The following SLC6A9 variants were observed in gnomAD, a reference collection of about 807,000 sequenced individuals.
The protein encoded by SLC6A9 is solute carrier family 6 member 9.
Under a neutral mutation model 70.9 loss-of-function variants are expected in SLC6A9, and 31 were observed. The observed-to-expected ratio is 0.44, with a 90% confidence interval of 0.33 to 0.59. SLC6A9 has a LOEUF of 0.59. SLC6A9 is among the 20% of genes least tolerant of loss of function. SLC6A9 has a pLI of 0.04. For missense variants in SLC6A9, 631 were observed against 845.2 expected (o/e 0.75, Z 3.14); for synonymous variants, 310 against 341.3 (o/e 0.91, Z 1.01).
At chr1:43,998,208 G>A (rs1384212521) in intron 12 of SLC6A9, among the ~76,000 whole-genome samples, 183 bp from the exon 13 acceptor site, 4 of 152,126 alleles carry the variant, frequency 2.6e-5, no homozygotes, top group Admixed American at 6.5e-5. Flanking sequence ...GGGCCGGAGC[G>A]CGGTGAGTGG....
chr1:44,025,078 A>G (rs1199745227), intron 1 of SLC6A9, among the ~76,000 whole-genome samples: 1 of 152,122 alleles, frequency 6.6e-6, no homozygotes, highest in Non-Finnish European at 1.5e-5. Flanking sequence ...TATGACACTT[A>G]TTTGCTTATA....
intron 3 of SLC6A9, 180 bp downstream of exon 3, chr1:44,010,546 A>AGG: frequency 2.0e-6 from 1 of 497,352 alleles, no homozygotes; most frequent in Non-Finnish European, 3.6e-6. Context: ...ACAGACTGCC[A>AGG]GGGTCTGGGG....
Position 44,002,221 on chromosome 1 carries a change from A to G in SLC6A9, c.962+92T>C. 2.4e-6 allele frequency: 2 copies of G among 838,528 alleles called. No homozygotes were observed. The highest frequency in any genetic ancestry group is 2.1e-6 in the Non-Finnish European group (1 of 484,502). 51.9% of individuals were successfully genotyped at this position (838,528 alleles called of 1,614,324 possible). On this transcript the variant is annotated intron_variant, in intron 8 of 13. Transcript: ENST00000372310. The surrounding 1 kb of genome is among the most constrained non-coding windows in gnomAD (Gnocchi z 5.5). ...AACCTCAAGATCATGAGGGGAAAGG[A>G]GGCCTCGTGGGCCCATGGCTGCACT...
rs192444797 is a variant in SLC6A9 at position 44,023,557 on chromosome 1, G to A, written c.30+691C>T. ...TTTGGGAGGCTGAGGCATGAGAATC[G>A]CTTGAACCCGGCAGGGGCAGAGGTT... On this transcript the variant is annotated intron_variant, in intron 2 of 13. Coordinates refer to ENST00000372310, the MANE Select transcript of SLC6A9 (RefSeq NM_001024845.3). Among the ~76,000 whole-genome samples the A allele has an allele frequency of 3.8e-3, 579 of 152,244 alleles. 4 individuals are homozygous for A. The highest frequency in any genetic ancestry group is 0.013 in the African/African-American group (545 of 41,546).
chr1:44,005,262 C>T (rs2154305073), intron 5 of SLC6A9, among the ~76,000 whole-genome samples: 2 of 152,182 alleles, frequency 1.3e-5, no homozygotes, highest in East Asian at 3.9e-4. Context: ...GACCCAGTAG[C>T]AGGTATCAGA....
chr1:44,011,805 C>A, intron 2 of SLC6A9: 1 of 1,401,164 alleles, frequency 7.1e-7, no homozygotes, highest in South Asian at 1.3e-5. Context: ...CAGGACTGAG[C>A]TGGTGGCCTG....
Position 44,001,224 on chromosome 1 carries a change from G to A in SLC6A9, c.1275C>T (p.Thr425=), listed in dbSNP as rs754699207. The A allele has an allele frequency of 1.9e-6, 3 of 1,614,192 alleles. No individual in the cohort carries two copies. The highest frequency in any genetic ancestry group is 1.3e-5 in the African/African-American group (1 of 75,044). Residue 425 remains threonine, a synonymous_variant, in exon 10 of 14, where the codon ACC becomes ACT. Transcript: ENST00000372310. ...CCACAGCCACGCCCAAGGTCACATA[G>A]GTCTTTTTCTGCAGGATCCACTCAT... The part of the protein sequence containing the change: ...VGNEWILQKK[T]YVTLGVAVAG...
At chr1:44,020,774 C>T (rs574297035) in intron 2 of SLC6A9, among the ~76,000 whole-genome samples, 1 of 152,308 alleles carries the variant, frequency 6.6e-6, no homozygotes, top group East Asian at 1.9e-4. Context: ...ACAGGAGGTG[C>T]CCAAACCCTC....
rs771622040 is a variant in SLC6A9, at chr1:44,002,556, T to C, written c.814A>G (p.Met272Val). Residue 272 changes from methionine (M) to valine (V), a missense_variant, in exon 7 of 14, where the codon ATG becomes GTG. Physicochemically the swap from Met to Val is conservative, Grantham distance 21 (BLOSUM62 1). Coordinates refer to ENST00000372310, the MANE Select transcript of SLC6A9 (RefSeq NM_001024845.3). The surrounding 1 kb of genome is among the most constrained non-coding windows in gnomAD (Gnocchi z 5.5). ...VTLEGAFDGIMYYLTPQWDKI... is the reference protein window; with the variant it reads ...VTLEGAFDGIVYYLTPQWDKI... ...TCCCACTGCGGGGTTAGGTAGTACA[T>C]GATGCCGTCAAAGGCTCCCTCCAGG... is the stretch of plus-strand genomic sequence containing the variant. 2 of 1,613,940 alleles carry C rather than the reference T, an allele frequency of 1.2e-6. No individual in the cohort carries two copies. Among genetic ancestry groups the C allele is most frequent in the Admixed American group, 3.3e-5 (2 of 59,994 alleles).
chr1:44,024,942 C>T (rs555373755), intron 1 of SLC6A9, among the ~76,000 whole-genome samples: 15 of 152,244 alleles, frequency 9.9e-5, no homozygotes, highest in Non-Finnish European at 1.8e-4. Flanking sequence ...TACAAATCTT[C>T]GGCACTGCAC....
At position 44,002,765 on chromosome 1, in the gene SLC6A9, C is replaced by T; in HGVS notation, c.723+88G>A. 1.3e-6 allele frequency: 2 copies of T among 1,593,988 alleles called. No individual in the cohort carries two copies. Among genetic ancestry groups the T allele is most frequent in the Non-Finnish European group, 1.7e-6 (2 of 1,164,158 alleles). ...CTCTCCGGCTCCGGAGTCCCTTCAG[C>T]ATCCCCTCCCTGCAATACACACATA... On this transcript the variant is annotated intron_variant, in intron 6 of 13. Transcript: ENST00000372310. The surrounding 1 kb of genome is among the most constrained non-coding windows in gnomAD (Gnocchi z 5.5).
intron 2 of SLC6A9, chr1:44,017,370 C>T (rs200817490): frequency 5.7e-4 from 5 of 8,790 alleles, no homozygotes; most frequent in Non-Finnish European, 1.0e-3. Flanking sequence ...ACTGGAACAA[C>T]ACACACACAC....
Position 44,000,965 on chromosome 1 carries a change from A to G in SLC6A9, c.1426T>C (p.Tyr476His). ...AGGCTCGAGTGCTCACCGTAGATGT[A>G]CATGATGGCCACACACATGATGCAG... ...ISCIMCVAIM[Y>H]IYGHRNYFQD... Residue 476 changes from tyrosine to histidine, a missense_variant, in exon 11 of 14, where the codon TAC becomes CAC. By Grantham distance (83) the Tyr-to-His change is moderately conservative. Transcript: ENST00000372310. 6.2e-7 allele frequency: 1 copy of G among 1,600,058 alleles called. No individual in the cohort carries two copies. Among genetic ancestry groups the G allele is most frequent in the South Asian group, 1.1e-5 (1 of 89,078 alleles).
chr1:44,003,004 G>A lies in SLC6A9; in HGVS notation c.591-19C>T, dbSNP rs774183646. On this transcript the variant is annotated intron_variant, in intron 5 of 13. Coordinates refer to ENST00000372310, the MANE Select transcript of SLC6A9 (RefSeq NM_001024845.3). ...GTACAGCCTGGGAAGGGGAGACTCT[G>A]TCACTGAGGGCCAGCCGCCGCTGCC... 1.9e-6 allele frequency: 3 copies of A among 1,613,542 alleles called. No homozygotes were observed. The highest frequency in any genetic ancestry group is 2.5e-6 in the Non-Finnish European group (3 of 1,179,662).
intron 1 of SLC6A9, among the ~76,000 whole-genome samples, chr1:44,029,920 C>T (rs917551334): frequency 2.0e-5 from 3 of 152,244 alleles, no homozygotes; most frequent in Admixed American, 6.5e-5. Flanking sequence ...AGGTTTTTCT[C>T]TTTCCCCACT....
intron 2 of SLC6A9, among the ~76,000 whole-genome samples, chr1:44,023,979 G>A (rs1049913672): frequency 3.3e-5 from 5 of 152,260 alleles, no homozygotes; most frequent in Non-Finnish European, 7.3e-5. Context: ...CAGCATATGA[G>A]TGGCCTCCTT....
chr1:44,015,464 C>T (rs1395473037), intron 2 of SLC6A9, among the ~76,000 whole-genome samples: 2 of 152,252 alleles, frequency 1.3e-5, no homozygotes, highest in African/African-American at 2.4e-5. Context: ...AGGGTTTGCT[C>T]ATGGGATGAA....
intron 12 of SLC6A9, among the ~76,000 whole-genome samples, chr1:44,000,460 T>C (rs1017509177): frequency 6.6e-6 from 1 of 152,212 alleles, no homozygotes; most frequent in African/African-American, 2.4e-5. Context: ...AGGCAGAGGC[T>C]GACACGCTAT....
At chr1:44,025,491 CAAA>C (rs924105808) in intron 1 of SLC6A9, among the ~76,000 whole-genome samples, 4 of 93,208 alleles carry the variant, frequency 4.3e-5, no homozygotes, top group Non-Finnish European at 4.8e-5. Context: ...GGTTCCGTCT[CAAA>C]AAAAAAAAAA....
Sources: allele counts gnomAD v4.1 joint callset (sites outside exome capture counted in the v4.1 genomes callset), GRCh38; gene constraint gnomAD v4.1.1; non-coding constraint Gnocchi (gnomAD v3.1); transcripts MANE v1.5; gene names NCBI Gene and HGNC (gene_info 2026-07-23, HGNC 2026-07-21).